Variants in HMCN1 observed in about 807,000 individuals in gnomAD.
HMCN1 encodes the protein hemicentin 1, also known as hemicentin-1.
HMCN1 carries 321 observed loss-of-function variants against 625.9 expected under a neutral mutation model. The ratio of observed to expected loss-of-function variants is 0.51; its 90% CI spans 0.47 to 0.56. HMCN1 has a LOEUF of 0.56. Among genes scored for constraint, HMCN1 ranks in the 20% least tolerant of loss-of-function variants. The pLI is 0.00. For synonymous variants in HMCN1, 2,425 were observed against 2,417.6 expected (o/e 1.00, Z -0.09); for missense variants, 6,588 against 6,887.3 (o/e 0.96, Z 1.54).
intron 104 of HMCN1, among the ~76,000 whole-genome samples, chr1:186,179,172 T>C (rs1010192216): frequency 1.5e-4 from 23 of 152,100 alleles, no homozygotes; most frequent in African/African-American, 5.6e-4. Context: ...AAAGTGAAAG[T>C]TTCAGCTTCT....
Position 186,090,753 on chromosome 1 carries a change from C to T in HMCN1, c.9728-5C>T. ...TTAATGAAATTCCTAATTATTTCTC[C>T]AAAGTTCCTCCAAGTGTTGCTGGTG... is the stretch of plus-strand genomic sequence containing the variant. On this transcript the variant is annotated splice_region_variant and splice_polypyrimidine_tract_variant and intron_variant, in intron 63 of 106. Transcript: ENST00000271588. The T allele has an allele frequency of 6.2e-7, 1 of 1,611,864 alleles. No individual in the cohort carries two copies.
chr1:185,939,753 C>A (rs1381065096), intron 11 of HMCN1, among the ~76,000 whole-genome samples: 3 of 151,816 alleles, frequency 2.0e-5, no homozygotes, highest in Non-Finnish European at 4.4e-5. Flanking sequence ...TGCCTTATCG[C>A]TTTCATATTT....
At chr1:185,882,894 A>G (rs1010977006) in intron 4 of HMCN1, among the ~76,000 whole-genome samples, 3 of 152,128 alleles carry the variant, frequency 2.0e-5, no homozygotes, top group African/African-American at 7.2e-5. Flanking sequence ...CAAAAGGTAG[A>G]GTCCTCCATC....
At chr1:185,975,954 A>G (rs1296263913) in intron 15 of HMCN1, among the ~76,000 whole-genome samples, 1 of 152,194 alleles carries the variant, frequency 6.6e-6, no homozygotes, top group Non-Finnish European at 1.5e-5. Context: ...TACTGATTTC[A>G]AAAATTCATT....
chr1:186,033,064 G>GCACACACACA (rs61063202), intron 36 of HMCN1, among the ~76,000 whole-genome samples: 12 of 140,314 alleles, frequency 8.6e-5, no homozygotes, highest in Admixed American at 2.9e-4. Context: ...ATACACACAC[G>GCACACACACA]CACACACACA....
At chr1:185,806,609 T>A (rs559835954) in intron 1 of HMCN1, among the ~76,000 whole-genome samples, 4 of 152,156 alleles carry the variant, frequency 2.6e-5, no homozygotes, top group Non-Finnish European at 5.9e-5. Context: ...ATCTTTGATT[T>A]TTTTCTTTGT....
chr1:186,117,769 C>CA, intron 77 of HMCN1, 146 bp downstream of exon 77: 1 of 837,742 alleles, frequency 1.2e-6, no homozygotes, highest in Admixed American at 2.1e-5. Flanking sequence ...ATTGTTAAAA[C>CA]ATATTTTTAA....
At chr1:185,781,701 T>A (rs563645077) in intron 1 of HMCN1, among the ~76,000 whole-genome samples, 29 of 152,364 alleles carry the variant, frequency 1.9e-4, no homozygotes, top group African/African-American at 7.0e-4. Context: ...GATTGCACTG[T>A]GGTCTGAGAG....
At chr1:186,020,237 T>TGATAGATAGATAGATA (rs4007525) in intron 35 of HMCN1, among the ~76,000 whole-genome samples, 8,527 of 149,922 alleles carry the variant, frequency 0.057, 270 homozygotes, top group African/African-American at 0.078. Flanking sequence ...AGTAGATTGA[T>TGATAGATAGATAGATA]GATAGATAGA....
chr1:185,865,524 C>T lies in HMCN1; in HGVS notation c.499-217C>T, dbSNP rs78050568. On this transcript the variant is annotated intron_variant, in intron 3 of 106. Coordinates refer to ENST00000271588, the MANE Select transcript of HMCN1 (RefSeq NM_031935.3). ...CCTACACTTCTAAAATATAAATCAC[C>T]ATGTTCCTATCTGGGTTCACTATTA... Among the ~76,000 whole-genome samples the T allele has an allele frequency of 1.3e-3, 193 of 150,674 alleles. 1 individual carries two copies. Among genetic ancestry groups the T allele is most frequent in the African/African-American group, 1.7e-3 (72 of 41,146 alleles).
rs1659672087 is a variant in HMCN1, at chr1:186,088,693, A to G, written c.9665A>G (p.Tyr3222Cys). The G allele has an allele frequency of 2.5e-6, 4 of 1,611,690 alleles. No homozygotes were observed. Among genetic ancestry groups the G allele is most frequent in the East Asian group, 2.2e-5 (1 of 44,762 alleles). The part of the protein sequence containing the change: ...ARSQHSDSGN[Y>C]TCIASNMEGK... ...TCTCAGCATTCAGATAGTGGAAACT[A>G]TACATGTATTGCTTCAAATATGGAG... Residue 3222 changes from tyrosine to cysteine, a missense_variant, in exon 63 of 107, where the codon TAT (tyrosine) becomes TGT (cysteine). Tyr to Cys is a radical substitution (Grantham distance 194). Transcript: ENST00000271588.
chr1:186,144,794 G>T, intron 91 of HMCN1, 91 bp downstream of exon 91: 3 of 1,476,548 alleles, frequency 2.0e-6, no homozygotes, highest in African/African-American at 1.4e-5. Flanking sequence ...CCGTTATTTG[G>T]TTCTTCAACC....
intron 46 of HMCN1, among the ~76,000 whole-genome samples, chr1:186,058,312 C>T (rs866935592): frequency 4.6e-5 from 7 of 151,784 alleles, no homozygotes; most frequent in South Asian, 2.1e-4. Flanking sequence ...TAATACAATG[C>T]GATTATCAAG....
intron 2 of HMCN1, among the ~76,000 whole-genome samples, chr1:185,852,577 T>TACACACACAC (rs67719442): frequency 2.9e-5 from 4 of 135,608 alleles, no homozygotes; most frequent in South Asian, 5.2e-4. Context: ...ACAAATATCC[T>TACACACACAC]ACACACACAC....
At position 186,093,021 on chromosome 1, in the gene HMCN1, T is replaced by C. The variant is rs535001183; in HGVS notation, c.9888-113T>C. On this transcript the variant is annotated intron_variant, in intron 64 of 106. Coordinates refer to ENST00000271588, the MANE Select transcript of HMCN1 (RefSeq NM_031935.3). ...GAGACTCGCTACTGTAGAATTTCAG[T>C]TGGTTGCTTGAATTTTCCATCACTT... 20 of 1,398,058 alleles carry C rather than the reference T, an allele frequency of 1.4e-5. No individual in the cohort carries two copies. In the East Asian group the frequency reaches 3.2e-4, roughly 22 times the overall value. The allele number at this position is 1,398,058 out of a possible 1,614,324, so 86.6% of individuals were successfully genotyped here.
intron 36 of HMCN1, among the ~76,000 whole-genome samples, chr1:186,030,673 A>G (rs1446798387): frequency 1.3e-5 from 2 of 151,996 alleles, no homozygotes; most frequent in African/African-American, 4.8e-5. Flanking sequence ...TAATCCATTT[A>G]CATTTAATTT....
In HMCN1 at chr1:185,911,730, G is replaced by A. The variant is rs758009370; in HGVS notation, c.850G>A (p.Ala284Thr). The A allele has an allele frequency of 3.7e-6, 6 of 1,613,610 alleles. No individual in the cohort carries two copies. In the Admixed American group the frequency reaches 1.0e-4, roughly 27 times the overall value. ...LHELLNIHNS[A>T]KVVNVKEPEA... is the part of the protein sequence containing the mutation. ...TGAGCTATTAAATATCCATAACTCT[G>A]CCAAAGTAGTGAATGTGAAAGAGCC... The change falls in exon 6 of 107, where the codon GCC (alanine) becomes ACC (threonine). Residue 284 changes from alanine to threonine, a missense_variant. This residue lies in a region of HMCN1 where 4,628 missense variants were observed against 4,853.1 expected (regional missense o/e 0.95). Coordinates refer to ENST00000271588, the MANE Select transcript of HMCN1 (RefSeq NM_031935.3).
Position 186,087,522 on chromosome 1 carries a change from G to C in HMCN1, c.9240G>C (p.Glu3080Asp). 1 of 1,613,364 alleles carries C rather than the reference G, an allele frequency of 6.2e-7. No individual in the cohort carries two copies. Among genetic ancestry groups the C allele is most frequent in the Non-Finnish European group, 8.5e-7 (1 of 1,179,534 alleles). ...NVREGTSVSL[E>D]CESNAVPPPV... Reference sequence around the variant, plus strand: ...GAGAGGGAACTTCTGTGTCTTTGGAGTGTGAGTCGAACGCTGTGCCACCTC... The same window carrying C: ...GAGAGGGAACTTCTGTGTCTTTGGACTGTGAGTCGAACGCTGTGCCACCTC... Residue 3080 changes from glutamate to aspartate, a missense_variant, in exon 60 of 107, where the codon GAG (glutamate) becomes GAC (aspartate). By Grantham distance (45) the Glu-to-Asp change is conservative. Transcript: ENST00000271588.
intron 1 of HMCN1, among the ~76,000 whole-genome samples, chr1:185,778,587 T>G (rs1435537868): frequency 6.8e-6 from 1 of 147,484 alleles, no homozygotes; most frequent in Non-Finnish European, 1.5e-5. Context: ...TGAGTGAGAA[T>G]ATGCGGTGTT....
Sources: allele counts gnomAD v4.1 joint callset (sites outside exome capture counted in the v4.1 genomes callset), GRCh38; gene constraint gnomAD v4.1.1; regional missense constraint gnomAD v4.1.1; transcripts MANE v1.5; gene names NCBI Gene and HGNC (gene_info 2026-07-23, HGNC 2026-07-21).